CAPZB: variants seen among roughly 807,000 people sequenced by gnomAD.
The protein encoded by CAPZB is capping actin protein of muscle Z-line subunit beta, also known as F-actin-capping protein subunit beta.
In CAPZB, 2 loss-of-function variants were observed where a neutral mutation model predicts 38.1. The observed-to-expected ratio is 0.05, with a 90% CI of 0.02 to 0.17. The LOEUF is 0.17. Ranked by LOEUF, CAPZB falls within the 10% of genes least tolerant of loss-of-function variation. CAPZB has a pLI of 1.00. For missense variants in CAPZB, 161 were observed against 334.2 expected (o/e 0.48, Z 4.04); for synonymous variants, 107 against 127.4 (o/e 0.84, Z 1.08).
At chr1:19,411,216 T>C (rs904067971) in intron 2 of CAPZB, among the ~76,000 whole-genome samples, 2 of 152,154 alleles carry the variant, frequency 1.3e-5, no homozygotes, top group Admixed American at 6.6e-5. Flanking sequence ...ATGTTTAATT[T>C]AAAAAGATGA....
intron 1 of CAPZB, among the ~76,000 whole-genome samples, chr1:19,421,370 T>A (rs963154272): frequency 1.6e-4 from 25 of 152,196 alleles, no homozygotes. Context: ...TGACATGGCA[T>A]ATACAGCCAG....
intron 3 of CAPZB, among the ~76,000 whole-genome samples, chr1:19,383,519 G>A (rs1300291692): frequency 2.0e-5 from 3 of 151,592 alleles, no homozygotes; most frequent in African/African-American, 4.9e-5. Context: ...GGCCATGTTC[G>A]CATCACTGCA....
At chr1:19,479,030 G>A (rs1177971017) in intron 1 of CAPZB, among the ~76,000 whole-genome samples, 1 of 152,100 alleles carries the variant, frequency 6.6e-6, no homozygotes, top group Admixed American at 6.5e-5. Flanking sequence ...CCAACATGGT[G>A]AAACCCTGTC....
chr1:19,479,278 C>T (rs1234588315), intron 1 of CAPZB, among the ~76,000 whole-genome samples: 4 of 152,220 alleles, frequency 2.6e-5, no homozygotes, highest in Non-Finnish European at 5.9e-5. Flanking sequence ...CGCCACCCCA[C>T]CATCTCCCTC....
At chr1:19,413,214 G>C (rs1326691079) in intron 2 of CAPZB, among the ~76,000 whole-genome samples, 2 of 152,216 alleles carry the variant, frequency 1.3e-5, no homozygotes, top group Non-Finnish European at 2.9e-5. Context: ...GAGAAGGCAA[G>C]GAATAAAGGC....
At chr1:19,481,560 TG>T (rs1380406698) in intron 1 of CAPZB, among the ~76,000 whole-genome samples, 2 of 152,224 alleles carry the variant, frequency 1.3e-5, no homozygotes, top group Non-Finnish European at 2.9e-5. Context: ...GTCATGTTTC[TG>T]GGTCACAGCA....
chr1:19,405,541 CAAAAAAAAAA>C (rs10577923), intron 2 of CAPZB, among the ~76,000 whole-genome samples: 2 of 96,514 alleles, frequency 2.1e-5, no homozygotes, highest in African/African-American at 4.5e-5. Context: ...TAGAAAGAGG[CAAAAAAAAAA>C]AAAAAAAAAA....
intron 1 of CAPZB, among the ~76,000 whole-genome samples, chr1:19,425,932 G>A (rs1187891057): frequency 6.6e-6 from 1 of 152,244 alleles, no homozygotes; most frequent in Non-Finnish European, 1.5e-5. Flanking sequence ...GAGTACAGGT[G>A]CCCACTAAGT....
chr1:19,371,671 G>A (rs771302147), intron 4 of CAPZB, among the ~76,000 whole-genome samples: 3 of 151,976 alleles, frequency 2.0e-5, no homozygotes, highest in Admixed American at 6.5e-5. Context: ...TGCCTGGGAA[G>A]CCCCCCAGCA....
At chr1:19,416,080 C>T (rs1381768044) in intron 2 of CAPZB, among the ~76,000 whole-genome samples, 1 of 152,244 alleles carries the variant, frequency 6.6e-6, no homozygotes, top group African/African-American at 2.4e-5. Flanking sequence ...CCTCTCAGGC[C>T]GTCCCGAGGC....
chr1:19,475,850 T>C (rs761689890), intron 1 of CAPZB, among the ~76,000 whole-genome samples: 23 of 152,166 alleles, frequency 1.5e-4, no homozygotes, highest in Non-Finnish European at 2.5e-4. Flanking sequence ...GGACATTCAG[T>C]CATTCATCTA....
intron 1 of CAPZB, among the ~76,000 whole-genome samples, chr1:19,428,698 C>T (rs1450227864): frequency 6.6e-6 from 1 of 152,090 alleles, no homozygotes; most frequent in Non-Finnish European, 1.5e-5. Flanking sequence ...AGGCAAAATC[C>T]GCACCTAAAC....
At chr1:19,449,303 G>A (rs1570303306) in intron 1 of CAPZB, 13 of 1,036,438 alleles carry the variant, frequency 1.3e-5, no homozygotes, top group South Asian at 3.8e-5. Context: ...CTGGCCTGGC[G>A]AGATGCGAGT....
intron 2 of CAPZB, among the ~76,000 whole-genome samples, chr1:19,395,012 G>A (rs61766714): frequency 0.049 from 7,488 of 152,234 alleles, 247 homozygotes; most frequent in African/African-American, 0.085. Context: ...CAGCCACCGC[G>A]CGCCAGGTGC....
chr1:19,404,704 G>C (rs921977577), intron 2 of CAPZB, among the ~76,000 whole-genome samples: 2 of 152,030 alleles, frequency 1.3e-5, no homozygotes, highest in South Asian at 2.1e-4. Context: ...ACAGGGAAAC[G>C]CAGGCTGCTT....
At chr1:19,454,481 G>C (rs2094526872) in intron 1 of CAPZB, among the ~76,000 whole-genome samples, 1 of 152,156 alleles carries the variant, frequency 6.6e-6, no homozygotes, top group African/African-American at 2.4e-5. Flanking sequence ...AGAGTCCTAA[G>C]AGTCACTCCT....
At position 19,356,439 on chromosome 1, in the gene CAPZB, T is replaced by C. The variant is rs1161849623; in HGVS notation, c.588+196A>G. 1.3e-5 allele frequency among the ~76,000 whole-genome samples: 2 copies of C among 152,116 alleles called. No individual in the cohort carries two copies. The highest frequency in any genetic ancestry group is 2.9e-5 in the Non-Finnish European group (2 of 68,014). ...CTCCCTCAGCAGGAGGCCAGCAGAG[T>C]GCCAGCAGCTGTGGGCAACCTTGCA... On this transcript the variant is annotated intron_variant, in intron 6 of 8. Coordinates refer to ENST00000264202, the MANE Select transcript of CAPZB (RefSeq NM_004930.5). The surrounding 1 kb of genome is among the most constrained non-coding windows in gnomAD (Gnocchi z 4.3).
intron 1 of CAPZB, among the ~76,000 whole-genome samples, chr1:19,429,351 C>T (rs1400852944): frequency 1.3e-5 from 2 of 152,034 alleles, no homozygotes; most frequent in East Asian, 1.9e-4. Context: ...AGAGTCACAG[C>T]CCACAAATAG....
intron 8 of CAPZB, among the ~76,000 whole-genome samples, chr1:19,342,399 C>T (rs548459630): frequency 3.3e-5 from 5 of 152,348 alleles, no homozygotes; most frequent in South Asian, 2.1e-4. Context: ...GGGGGGTGGA[C>T]GGCAGGCAGA....
Sources: gnomAD v4.1 joint callset for allele counts (sites outside exome capture counted in the v4.1 genomes callset) on GRCh38, gnomAD v4.1.1 for gene constraint, Gnocchi (gnomAD v3.1) non-coding constraint, MANE v1.5 for transcripts, NCBI Gene and HGNC (gene_info 2026-07-23, HGNC 2026-07-21) for gene names.